CACNB4: variants seen among roughly 807,000 people sequenced by gnomAD.
The protein encoded by CACNB4 is calcium voltage-gated channel auxiliary subunit beta 4.
CACNB4 carries 32 observed loss-of-function variants against 71.2 expected under a neutral mutation model. The ratio of observed to expected loss-of-function variants is 0.45; its 90% CI spans 0.34 to 0.60. The LOEUF is 0.60. Among genes scored for constraint, CACNB4 ranks in the 20% least tolerant of loss-of-function variants. CACNB4 has a pLI of 0.01. For synonymous variants in CACNB4, 231 were observed against 236.9 expected (o/e 0.97, Z 0.23); for missense variants, 464 against 647.9 (o/e 0.72, Z 3.08).
At chr2:151,981,539 G>T (rs536608526) in intron 2 of CACNB4, among the ~76,000 whole-genome samples, 2 of 152,332 alleles carry the variant, frequency 1.3e-5, no homozygotes, top group South Asian at 4.2e-4. Context: ...TCTATGGGAA[G>T]AGGGGATATT....
chr2:152,042,611 T>C (rs1684932714), intron 2 of CACNB4, among the ~76,000 whole-genome samples: 1 of 152,216 alleles, frequency 6.6e-6, no homozygotes, highest in African/African-American at 2.4e-5. Flanking sequence ...ATAATCATTT[T>C]AAAAAAAGAT....
intron 10 of CACNB4, among the ~76,000 whole-genome samples, chr2:151,856,046 A>C (rs1464628577): frequency 6.6e-6 from 1 of 151,984 alleles, no homozygotes; most frequent in African/African-American, 2.4e-5. Context: ...CAATGCATCT[A>C]GATGCAAATC....
intron 2 of CACNB4, among the ~76,000 whole-genome samples, chr2:152,032,643 T>C (rs1462127055): frequency 6.6e-6 from 1 of 152,176 alleles, no homozygotes; most frequent in Admixed American, 6.5e-5. Flanking sequence ...AAAGAAAGTC[T>C]CAATATACTT....
At chr2:151,892,148 A>T (rs1168088954) in intron 2 of CACNB4, among the ~76,000 whole-genome samples, 2 of 152,192 alleles carry the variant, frequency 1.3e-5, no homozygotes, top group Non-Finnish European at 2.9e-5. Flanking sequence ...GGCGCTGATC[A>T]TTGCCTGAAA....
intron 4 of CACNB4, among the ~76,000 whole-genome samples, chr2:151,878,875 C>G (rs1366519438): frequency 6.6e-6 from 1 of 151,966 alleles, no homozygotes; most frequent in Non-Finnish European, 1.5e-5. Context: ...TGCATCACTG[C>G]ACTCCAGCCT....
chr2:152,059,097 T>A (rs1685874199), intron 2 of CACNB4, among the ~76,000 whole-genome samples: 1 of 152,236 alleles, frequency 6.6e-6, no homozygotes, highest in Non-Finnish European at 1.5e-5. Flanking sequence ...TGCCTGGATG[T>A]CCAGGCACTT....
chr2:152,037,591 T>C (rs928965775), intron 2 of CACNB4, among the ~76,000 whole-genome samples: 11 of 152,214 alleles, frequency 7.2e-5, no homozygotes, highest in Admixed American at 2.6e-4. Context: ...CTGAATAATG[T>C]GACCTTCTGA....
In CACNB4 at chr2:152,098,963, A is replaced by T; in HGVS notation, c.49T>A (p.Ser17Thr). Residue 17 changes from serine to threonine, a missense_variant, in exon 1 of 14, where the codon TCC becomes ACC. Coordinates refer to ENST00000539935, the MANE Select transcript of CACNB4 (RefSeq NM_000726.5). This position sits in a 1 kb window ranked among gnomAD's most constrained non-coding sequence, Gnocchi z 5.3. Reference protein sequence around the residue: ...AKNGTADGPHSPTSQVARGTT... With the variant: ...AKNGTADGPHTPTSQVARGTT... Reference sequence around the variant, plus strand: ...GGGGGCGGTACCTGCGAGGTGGGGGAGTGCGGCCCGTCCGCGGTCCCGTTC... The same window carrying T: ...GGGGGCGGTACCTGCGAGGTGGGGGTGTGCGGCCCGTCCGCGGTCCCGTTC... 2 of 1,518,858 alleles carry T rather than the reference A, an allele frequency of 1.3e-6. No homozygotes were observed. The highest frequency in any genetic ancestry group is 2.8e-5 in the African/African-American group (2 of 70,544). 94.1% of individuals were successfully genotyped at this position (1,518,858 alleles called of 1,614,324 possible).
Position 151,870,590 on chromosome 2 carries a change from C to T in CACNB4, c.640G>A (p.Asp214Asn), listed in dbSNP as rs767538753. The T allele has an allele frequency of 8.1e-6, 13 of 1,613,694 alleles. No individual in the cohort carries two copies. The highest frequency in any genetic ancestry group is 6.7e-5 in the Admixed American group (4 of 59,992). Residue 214 changes from aspartate to asparagine, a missense_variant, in exon 8 of 14, where the codon GAT (aspartate) becomes AAT (asparagine). Around this residue, in one of 3 missense-constraint regions of CACNB4, gnomAD observed 299 missense variants for 471.7 expected, o/e 0.63. Transcript: ENST00000539935. ...ACCGGACGCATTGACGGTACAACAT[C>T]GTAAGGAGGAATGTGCTCCGTCTGA... The part of the protein sequence containing the change: ...QKVTEHIPPY[D>N]VVPSMRPVVL...
chr2:151,919,037 CA>C (rs1476297750), intron 2 of CACNB4, among the ~76,000 whole-genome samples: 1 of 152,112 alleles, frequency 6.6e-6, no homozygotes, highest in African/African-American at 2.4e-5. Context: ...TAGAGCCAAC[CA>C]CAGGGGTAAG....
At chr2:151,909,451 A>C (rs200995704) in intron 2 of CACNB4, among the ~76,000 whole-genome samples, 2 of 5,556 alleles carry the variant, frequency 3.6e-4, no homozygotes, top group East Asian at 0.038. Flanking sequence ...GGAAAAAAAC[A>C]AAAAAAAAAA....
chr2:151,915,730 C>G (rs1007511447), intron 2 of CACNB4, among the ~76,000 whole-genome samples: 3 of 151,766 alleles, frequency 2.0e-5, no homozygotes, highest in African/African-American at 7.3e-5. Flanking sequence ...GCCTGTAATC[C>G]TAGCTACTCA....
At chr2:151,873,390 T>C (rs1242031944) in intron 5 of CACNB4, 3 of 152,240 alleles carry the variant, frequency 2.0e-5, no homozygotes, top group Non-Finnish European at 4.4e-5. Flanking sequence ...AATGCTCTAA[T>C]GAGCATCTCC....
chr2:152,009,730 A>C (rs1222701480), intron 2 of CACNB4, among the ~76,000 whole-genome samples: 14 of 152,198 alleles, frequency 9.2e-5, no homozygotes, highest in Admixed American at 9.2e-4. Flanking sequence ...TGGAATCAAA[A>C]TGACACATTT....
chr2:151,992,943 A>G lies in CACNB4; in HGVS notation c.147+105387T>C, dbSNP rs889034356. 3.3e-5 allele frequency among the ~76,000 whole-genome samples: 5 copies of G among 152,256 alleles called. 1 individual carries two copies. Among genetic ancestry groups the G allele is most frequent in the African/African-American group, 2.4e-5 (1 of 41,466 alleles). ...GTTCTGCAAGCAATGCAAACAGAAC[A>G]TTTAAGTTCTCAGGACTGTCAAAAT... On this transcript the variant is annotated intron_variant, in intron 2 of 13. Transcript: ENST00000539935.
intron 3 of CACNB4, among the ~76,000 whole-genome samples, chr2:151,881,590 A>T (rs1271700489): frequency 1.3e-5 from 2 of 152,338 alleles, no homozygotes; most frequent in East Asian, 3.9e-4. Context: ...CGGTGCTGCC[A>T]CCCAAATTCG....
intron 12 of CACNB4, chr2:151,850,141 C>CTTTTTTTTTTTTTTTTTTTTTTT (rs750436136): frequency 3.1e-5 from 3 of 98,160 alleles, no homozygotes; most frequent in African/African-American, 4.8e-5. Context: ...TTCTTTCTTT[C>CTTTTTTTTTTTTTTTTTTTTTTT]TTTTTTTTTT....
chr2:151,883,852 C>A (rs111433785), intron 2 of CACNB4: 53 of 224,504 alleles, frequency 2.4e-4, no homozygotes, highest in African/African-American at 1.1e-3. Context: ...TTTCCAGTTT[C>A]AATGTCAACA....
intron 2 of CACNB4, among the ~76,000 whole-genome samples, chr2:151,929,437 T>C (rs2151597541): frequency 6.6e-6 from 1 of 152,316 alleles, no homozygotes; most frequent in Non-Finnish European, 1.5e-5. Context: ...CTGGTCATAA[T>C]ATACCAGAAG....
Sources: allele counts gnomAD v4.1 joint callset (sites outside exome capture counted in the v4.1 genomes callset), GRCh38; gene constraint gnomAD v4.1.1; regional missense constraint gnomAD v4.1.1; non-coding constraint Gnocchi (gnomAD v3.1); transcripts MANE v1.5; gene names NCBI Gene and HGNC (gene_info 2026-07-23, HGNC 2026-07-21).